The following PTPRM variants were observed in gnomAD, a reference collection of about 807,000 sequenced individuals.
The protein encoded by PTPRM is protein tyrosine phosphatase receptor type M.
PTPRM carries 47 observed loss-of-function variants against 186.7 expected under a neutral mutation model. The ratio of observed to expected loss-of-function variants is 0.25; its 90% CI spans 0.20 to 0.32. PTPRM has a LOEUF of 0.32. Among genes scored for constraint, PTPRM ranks in the 10% least tolerant of loss-of-function variants. The pLI, the probability that PTPRM is intolerant of heterozygous loss-of-function variation, is 1.00. For missense variants in PTPRM, 1,494 were observed against 1,865.0 expected, an observed-to-expected ratio of 0.80 and a Z score of 3.66; for synonymous variants, 668 against 674.9, an observed-to-expected ratio of 0.99 and a Z score of 0.16.
chr18:7,570,009 C>T (rs1004283544), intron 1 of PTPRM, among the ~76,000 whole-genome samples: 3 of 151,836 alleles, frequency 2.0e-5, no homozygotes, highest in Non-Finnish European at 4.4e-5. Flanking sequence ...GACTGTAGTC[C>T]CAGCTGCTCT....
intron 7 of PTPRM, among the ~76,000 whole-genome samples, chr18:8,033,546 GACTAT>G (rs1212825150): frequency 6.6e-6 from 1 of 152,162 alleles, no homozygotes; most frequent in African/African-American, 2.4e-5. Flanking sequence ...CACAGCATGT[GACTAT>G]ACTGAATACT....
intron 23 of PTPRM, among the ~76,000 whole-genome samples, chr18:8,347,448 A>G (rs1021109517): frequency 2.0e-5 from 3 of 152,222 alleles, no homozygotes; most frequent in Admixed American, 6.5e-5. Flanking sequence ...ATTGTGCTGT[A>G]AAATTACTGC....
intron 4 of PTPRM, among the ~76,000 whole-genome samples, chr18:7,910,517 G>A (rs555181517): frequency 1.3e-5 from 2 of 152,148 alleles, no homozygotes; most frequent in Admixed American, 6.5e-5. Flanking sequence ...TTGGTTACTT[G>A]GTGTACACCC....
At chr18:7,618,040 C>A (rs2037849105) in intron 1 of PTPRM, among the ~76,000 whole-genome samples, 1 of 152,148 alleles carries the variant, frequency 6.6e-6, no homozygotes, top group South Asian at 2.1e-4. Flanking sequence ...TGCCTTGAAT[C>A]TGACTTGTTG....
chr18:8,372,112 C>T (rs915199609), intron 24 of PTPRM, among the ~76,000 whole-genome samples: 4 of 121,734 alleles, frequency 3.3e-5, no homozygotes, highest in Admixed American at 1.9e-4. Flanking sequence ...TCGCCCAGGC[C>T]GGACTGCGGA....
chr18:7,833,866 A>T (rs1299237463), intron 2 of PTPRM, among the ~76,000 whole-genome samples: 1 of 152,228 alleles, frequency 6.6e-6, no homozygotes, highest in Non-Finnish European at 1.5e-5. Context: ...GGTTTTGGAT[A>T]GCATCTTTAG....
chr18:8,168,096 C>A (rs77172214), intron 14 of PTPRM, among the ~76,000 whole-genome samples: 1 of 152,202 alleles, frequency 6.6e-6, no homozygotes, highest in African/African-American at 2.4e-5. Flanking sequence ...ATGTTTCTAG[C>A]GCTCAGTTAA....
At chr18:8,024,355 TCA>T (rs956431803) in intron 7 of PTPRM, among the ~76,000 whole-genome samples, 3 of 152,186 alleles carry the variant, frequency 2.0e-5, no homozygotes, top group African/African-American at 7.2e-5. Flanking sequence ...GATCGATTGT[TCA>T]CAGTTTTGGC....
chr18:7,905,075 C>A (rs1434778382), intron 3 of PTPRM, among the ~76,000 whole-genome samples: 1 of 152,066 alleles, frequency 6.6e-6, no homozygotes, highest in Non-Finnish European at 1.5e-5. Flanking sequence ...CTCACTGCAA[C>A]CTCCGCCTCC....
chr18:7,868,448 G>A (rs1284669005), intron 2 of PTPRM, among the ~76,000 whole-genome samples: 2 of 151,932 alleles, frequency 1.3e-5, no homozygotes, highest in African/African-American at 4.8e-5. Context: ...TCTAACATTC[G>A]GACCCCTCTG....
intron 1 of PTPRM, among the ~76,000 whole-genome samples, chr18:7,773,570 G>GTTTTTTTTTTTTTTTTTGT (rs2042429918): frequency 7.7e-6 from 1 of 129,096 alleles, no homozygotes; most frequent in Non-Finnish European, 1.6e-5. Flanking sequence ...TCTTTTCTTT[G>GTTTTTTTTTTTTTTTTTGT]TTTTTTTTTT....
intron 1 of PTPRM, among the ~76,000 whole-genome samples, chr18:7,740,441 G>T (rs775047257): frequency 2.0e-5 from 3 of 152,238 alleles, no homozygotes; most frequent in Middle Eastern, 3.4e-3. Context: ...TATTTTTAGA[G>T]ATGGGATCTC....
At chr18:7,670,659 G>A (rs557886900) in intron 1 of PTPRM, among the ~76,000 whole-genome samples, 1 of 152,292 alleles carries the variant, frequency 6.6e-6, no homozygotes, top group South Asian at 2.1e-4. Flanking sequence ...CTTTATAGAG[G>A]TCTGGTGTAA....
chr18:7,815,125 C>T (rs1040599471), intron 2 of PTPRM: 5 of 152,258 alleles, frequency 3.3e-5, no homozygotes, highest in African/African-American at 1.2e-4. Context: ...CACCACACCC[C>T]TCACCCAACA....
chr18:7,580,660 C>T (rs1406877553), intron 1 of PTPRM, among the ~76,000 whole-genome samples: 1 of 152,092 alleles, frequency 6.6e-6, no homozygotes, highest in Non-Finnish European at 1.5e-5. Context: ...AAACTTATTG[C>T]CCCCCATTTA....
intron 2 of PTPRM, among the ~76,000 whole-genome samples, chr18:7,864,621 C>T (rs1485049429): frequency 6.6e-6 from 1 of 152,136 alleles, no homozygotes; most frequent in Admixed American, 6.5e-5. Context: ...AGTTGGAAGT[C>T]AGGTAGCGTG....
chr18:7,946,488 G>A (rs2052533257), intron 5 of PTPRM, among the ~76,000 whole-genome samples: 1 of 152,124 alleles, frequency 6.6e-6, no homozygotes, highest in African/African-American at 2.4e-5. Flanking sequence ...AGTTTGGAAA[G>A]AAGACTAGGG....
chr18:7,606,543 A>G (rs1345608659), intron 1 of PTPRM, among the ~76,000 whole-genome samples: 1 of 152,154 alleles, frequency 6.6e-6, no homozygotes, highest in Non-Finnish European at 1.5e-5. Flanking sequence ...GAATTGTTGA[A>G]TTCATCCAAG....
At chr18:8,260,872 G>T (rs1438876573) in intron 19 of PTPRM, among the ~76,000 whole-genome samples, 1 of 152,208 alleles carries the variant, frequency 6.6e-6, no homozygotes, top group African/African-American at 2.4e-5. Context: ...GCTCCCCCTT[G>T]TTGGGAGTTG....
Sources: allele counts gnomAD v4.1 joint callset (sites outside exome capture counted in the v4.1 genomes callset), GRCh38; gene constraint gnomAD v4.1.1; transcripts MANE v1.5; gene names NCBI Gene and HGNC (gene_info 2026-07-23, HGNC 2026-07-21).